Variants in APP observed in about 807,000 individuals in gnomAD.
APP encodes the protein amyloid-beta precursor protein.
A neutral mutation model predicts 101.4 loss-of-function variants in APP; 31 were observed. The observed-to-expected ratio is 0.31, with a 90% confidence interval of 0.23 to 0.41. APP has a LOEUF of 0.41. APP is among the 10% of genes least tolerant of loss of function. APP has a pLI of 1.00. For synonymous variants in APP, 366 were observed against 364.4 expected (o/e 1.00, Z -0.05); for missense variants, 839 against 1,003.7 (o/e 0.84, Z 2.22).
intron 15 of APP, among the ~76,000 whole-genome samples, chr21:25,900,987 C>CAAAAAAA (rs71183520): frequency 0.094 from 10,928 of 116,356 alleles, 610 homozygotes; most frequent in African/African-American, 0.17. Flanking sequence ...GACTCCATCT[C>CAAAAAAA]AAAAAAAAAA....
At chr21:26,140,524 G>A in intron 1 of APP, 1 of 388,484 alleles carries the variant, frequency 2.6e-6, no homozygotes, top group Non-Finnish European at 4.2e-6. Flanking sequence ...CAAGTGTCAG[G>A]GGCTGTGGAG....
At chr21:26,008,192 T>C (rs1295569305) in intron 6 of APP, among the ~76,000 whole-genome samples, 1 of 152,216 alleles carries the variant, frequency 6.6e-6, no homozygotes, top group African/African-American at 2.4e-5. Flanking sequence ...GACCCAATTC[T>C]CATCTCTCCA....
At chr21:26,089,805 G>A in intron 3 of APP, 138 bp downstream of exon 3, 1 of 1,343,716 alleles carries the variant, frequency 7.4e-7, no homozygotes, top group Non-Finnish European at 1.0e-6. Flanking sequence ...AACTGCAAGA[G>A]TCCAAAACAC....
At chr21:26,162,627 T>A (rs931268841) in intron 1 of APP, among the ~76,000 whole-genome samples, 2 of 151,916 alleles carry the variant, frequency 1.3e-5, no homozygotes, top group Non-Finnish European at 2.9e-5. Flanking sequence ...GTAAAATATC[T>A]CCAGGGGGTC....
chr21:26,067,886 T>C (rs2046520193), intron 3 of APP, among the ~76,000 whole-genome samples: 2 of 151,830 alleles, frequency 1.3e-5, no homozygotes, highest in South Asian at 4.2e-4. Flanking sequence ...GGTTGCTTTC[T>C]CCTAACACTT....
At chr21:25,951,869 G>A (rs575585340) in intron 13 of APP, among the ~76,000 whole-genome samples, 2 of 152,214 alleles carry the variant, frequency 1.3e-5, no homozygotes, top group South Asian at 4.1e-4. Context: ...ACTAAAAAGG[G>A]ACGTATTGTT....
At chr21:26,163,676 A>G (rs45452400) in intron 1 of APP, among the ~76,000 whole-genome samples, 49 of 152,284 alleles carry the variant, frequency 3.2e-4, no homozygotes, top group Non-Finnish European at 5.7e-4. Context: ...GGACAGGACA[A>G]TTATAATTAC....
chr21:26,159,038 GAAT>G (rs1343425739), intron 1 of APP, among the ~76,000 whole-genome samples: 1 of 152,004 alleles, frequency 6.6e-6, no homozygotes, highest in Non-Finnish European at 1.5e-5. Flanking sequence ...TCCATAAAAT[GAAT>G]AATAATTTCA....
intron 11 of APP, among the ~76,000 whole-genome samples, chr21:25,974,135 A>C (rs1285361726): frequency 6.6e-6 from 1 of 152,120 alleles, no homozygotes; most frequent in African/African-American, 2.4e-5. Context: ...TAATGTCATG[A>C]CTGACAAATG....
intron 2 of APP, among the ~76,000 whole-genome samples, chr21:26,091,822 C>T (rs1046789082): frequency 4.6e-5 from 7 of 152,056 alleles, no homozygotes; most frequent in South Asian, 4.1e-4. Flanking sequence ...CTAGGGGCAA[C>T]GCTGTGAGGA....
chr21:26,067,733 T>A (rs1310859944), intron 3 of APP, among the ~76,000 whole-genome samples: 2 of 152,190 alleles, frequency 1.3e-5, no homozygotes, highest in African/African-American at 4.8e-5. Flanking sequence ...ATACAGAAAT[T>A]AATTTAAGGT....
intron 5 of APP, among the ~76,000 whole-genome samples, chr21:26,048,862 C>G (rs187695058): frequency 5.9e-4 from 90 of 152,198 alleles, no homozygotes; most frequent in African/African-American, 2.1e-3. Context: ...ATATCTTTAT[C>G]ATACATTAAC....
At chr21:25,895,961 C>A (rs2038016613) in intron 16 of APP, among the ~76,000 whole-genome samples, 1 of 152,208 alleles carries the variant, frequency 6.6e-6, no homozygotes, top group South Asian at 2.1e-4. Flanking sequence ...ATTGCTGCCG[C>A]TGCCATTAGT....
At chr21:25,896,231 A>T (rs934498324) in intron 16 of APP, among the ~76,000 whole-genome samples, 1 of 152,202 alleles carries the variant, frequency 6.6e-6, no homozygotes, top group African/African-American at 2.4e-5. Context: ...TCTTTCTACA[A>T]AAAAAGAACT....
intron 1 of APP, among the ~76,000 whole-genome samples, chr21:26,119,589 T>C (rs1373057227): frequency 2.6e-5 from 4 of 152,230 alleles, no homozygotes; most frequent in Admixed American, 1.3e-4. Context: ...TTCTAGTTTT[T>C]CAACAGTTGA....
intron 1 of APP, among the ~76,000 whole-genome samples, chr21:26,130,791 T>C (rs1416187438): frequency 1.3e-5 from 2 of 152,176 alleles, no homozygotes; most frequent in Admixed American, 6.5e-5. Flanking sequence ...TTTATATTTT[T>C]AGTAGTAGCC....
chr21:26,121,172 C>A (rs1428413370), intron 1 of APP, among the ~76,000 whole-genome samples: 1 of 152,198 alleles, frequency 6.6e-6, no homozygotes, highest in East Asian at 1.9e-4. Context: ...CCTCAGTTAT[C>A]ACCTGGGTTT....
chr21:26,017,898 G>A (rs2044172623), intron 6 of APP, among the ~76,000 whole-genome samples: 1 of 152,096 alleles, frequency 6.6e-6, no homozygotes, highest in Non-Finnish European at 1.5e-5. Flanking sequence ...AACCAAAGAT[G>A]ACAATAAGCC....
chr21:25,928,481 G>A (rs1425148150), intron 13 of APP, among the ~76,000 whole-genome samples: 1 of 152,058 alleles, frequency 6.6e-6, no homozygotes, highest in East Asian at 1.9e-4. Flanking sequence ...TTGAGGAAAC[G>A]TACAGTGAAG....
Sources: gnomAD v4.1 joint callset for allele counts (sites outside exome capture counted in the v4.1 genomes callset) on GRCh38, gnomAD v4.1.1 for gene constraint, MANE v1.5 for transcripts, NCBI Gene and HGNC (gene_info 2026-07-23, HGNC 2026-07-21) for gene names.